DSCAM: variants seen among roughly 807,000 people sequenced by gnomAD.
DSCAM encodes DS cell adhesion molecule, also known as cell adhesion molecule DSCAM.
In DSCAM, 47 loss-of-function variants were observed where a neutral mutation model predicts 217.7. That is an observed-to-expected ratio of 0.22 (90% CI 0.17 to 0.28). The LOEUF is 0.28. Ranked by LOEUF, DSCAM falls within the 10% of genes least tolerant of loss-of-function variation. The pLI is 1.00. For synonymous variants in DSCAM, 1,056 were observed against 1,015.3 expected, an observed-to-expected ratio of 1.04 and a Z score of -0.76; for missense variants, 2,080 against 2,618.3, an observed-to-expected ratio of 0.79 and a Z score of 4.49.
intron 32 of DSCAM, among the ~76,000 whole-genome samples, chr21:40,037,538 C>T (rs1601254037): frequency 6.8e-6 from 1 of 148,006 alleles, no homozygotes; most frequent in Non-Finnish European, 1.5e-5. Context: ...AATGGAAGAA[C>T]ATTCTATGCT....
intron 9 of DSCAM, among the ~76,000 whole-genome samples, chr21:40,303,111 T>C (rs1852819435): frequency 6.6e-6 from 1 of 152,182 alleles, no homozygotes; most frequent in African/African-American, 2.4e-5. Flanking sequence ...CACCATTCTC[T>C]ACTTGGTGAC....
intron 16 of DSCAM, among the ~76,000 whole-genome samples, chr21:40,146,055 C>T (rs993581624): frequency 6.6e-6 from 1 of 152,046 alleles, no homozygotes; most frequent in African/African-American, 2.4e-5. Flanking sequence ...AACTATGGAT[C>T]TGGATCTCTC....
At chr21:40,062,836 C>T in intron 28 of DSCAM, 33 bp downstream of exon 28, 2 of 1,548,692 alleles carry the variant, frequency 1.3e-6, no homozygotes, top group Non-Finnish European at 1.7e-6. Context: ...TTCTTTCAAA[C>T]ATGATATCTG....
chr21:40,143,499 C>T (rs576465541), intron 17 of DSCAM, among the ~76,000 whole-genome samples: 1 of 152,200 alleles, frequency 6.6e-6, no homozygotes, highest in Non-Finnish European at 1.5e-5. Context: ...CTCCGCAAAC[C>T]TGTGATCAAG....
intron 20 of DSCAM, among the ~76,000 whole-genome samples, chr21:40,117,001 C>CAAAAAAAAAAAAA (rs534100380): frequency 3.0e-5 from 1 of 33,178 alleles, no homozygotes; most frequent in African/African-American, 1.1e-4. Flanking sequence ...GACTCTGTCT[C>CAAAAAAAAAAAAA]AAAAAAAAAA....
rs569963515 is a variant in DSCAM at position 40,292,750 on chromosome 21, C to T, written c.2182+3305G>A. ...AAGTCATTATGATATCTTTCTTTTCCTTTTTTTTTTGAGATGGAGTCTCGC... is the reference window on the plus strand; with the variant it reads ...AAGTCATTATGATATCTTTCTTTTCTTTTTTTTTTTGAGATGGAGTCTCGC... On this transcript the variant is annotated intron_variant, in intron 10 of 32. Coordinates refer to ENST00000400454, the MANE Select transcript of DSCAM (RefSeq NM_001389.5). Among the ~76,000 whole-genome samples the T allele has an allele frequency of 5.9e-4, 88 of 148,312 alleles. No individual in the cohort carries two copies. In the South Asian group the frequency reaches 9.0e-3, roughly 15 times the overall value.
chr21:40,693,918 G>A (rs1262162125), intron 2 of DSCAM, among the ~76,000 whole-genome samples: 2 of 152,106 alleles, frequency 1.3e-5, no homozygotes, highest in South Asian at 2.1e-4. Context: ...TCAAATCCAA[G>A]CTCGGCCACT....
At chr21:40,567,527 C>T (rs73902685) in intron 3 of DSCAM, among the ~76,000 whole-genome samples, 3,420 of 152,318 alleles carry the variant, frequency 0.022, 112 homozygotes, top group African/African-American at 0.079. Flanking sequence ...CTAGTAAATG[C>T]ACTAAACCAA....
chr21:40,324,838 CTTAT>C (rs1462168889), intron 8 of DSCAM, among the ~76,000 whole-genome samples: 1 of 152,162 alleles, frequency 6.6e-6, no homozygotes, highest in East Asian at 1.9e-4. Flanking sequence ...TCATGTTTTA[CTTAT>C]TTAGTTAGAG....
At chr21:40,166,811 G>A (rs1342696677) in intron 16 of DSCAM, among the ~76,000 whole-genome samples, 5 of 152,126 alleles carry the variant, frequency 3.3e-5, no homozygotes, top group Admixed American at 2.0e-4. Flanking sequence ...GGCACAGTGA[G>A]GACTTGGCCT....
At chr21:40,116,740 C>G (rs1259801266) in intron 20 of DSCAM, among the ~76,000 whole-genome samples, 1 of 151,224 alleles carries the variant, frequency 6.6e-6, no homozygotes, top group Non-Finnish European at 1.5e-5. Context: ...CGGTGGCTCA[C>G]GCCTGTAATC....
At chr21:40,082,215 C>T (rs748055181) in intron 24 of DSCAM, among the ~76,000 whole-genome samples, 10 of 152,260 alleles carry the variant, frequency 6.6e-5, no homozygotes, top group South Asian at 6.2e-4. Context: ...AATCCCAGCA[C>T]GTTGGGAAGC....
chr21:40,067,772 CCCTT>C (rs1287730997), intron 27 of DSCAM, among the ~76,000 whole-genome samples: 168 of 101,650 alleles, frequency 1.7e-3, no homozygotes, highest in Middle Eastern at 7.6e-3. Context: ...CTCCCTCCCT[CCCTT>C]CCTTCCTTCC....
At chr21:40,317,623 G>A (rs916266283) in intron 8 of DSCAM, among the ~76,000 whole-genome samples, 2 of 151,814 alleles carry the variant, frequency 1.3e-5, no homozygotes, top group Non-Finnish European at 1.5e-5. Context: ...TCCACCTCCC[G>A]GGCTCAAGTG....
Position 40,093,847 on chromosome 21 carries a change from C to T in DSCAM, c.3724G>A (p.Asp1242Asn), listed in dbSNP as rs770132126. ...TTGGGAATTCTGTAGGAAAACGAGTCGGGAGAGGCCTCAAACTCGCTGATC... is the reference window on the plus strand; with the variant it reads ...TTGGGAATTCTGTAGGAAAACGAGTTGGGAGAGGCCTCAAACTCGCTGATC... ...TVISEFEASPDSFSYRIPNLS... is the reference protein window; with the variant it reads ...TVISEFEASPNSFSYRIPNLS... The change falls in exon 21 of 33, where the codon GAC becomes AAC. Residue 1242 changes from aspartate to asparagine, a missense_variant. Asp to Asn is a conservative substitution (Grantham distance 23). Coordinates refer to ENST00000400454, the MANE Select transcript of DSCAM (RefSeq NM_001389.5). 48 of 1,613,534 alleles carry T rather than the reference C, an allele frequency of 3.0e-5. No homozygotes were observed. The Middle Eastern group carries it at 4.9e-4, about 17-fold the overall frequency.
chr21:40,800,864 C>A (rs191483746), intron 1 of DSCAM, among the ~76,000 whole-genome samples: 185 of 151,852 alleles, frequency 1.2e-3, no homozygotes, highest in Non-Finnish European at 2.3e-3. Context: ...TACAGGCACA[C>A]ACCACCACGC....
chr21:40,721,854 C>T (rs1487811559), intron 1 of DSCAM, among the ~76,000 whole-genome samples: 1 of 151,854 alleles, frequency 6.6e-6, no homozygotes, highest in Non-Finnish European at 1.5e-5. Context: ...TAGAAAACCA[C>T]AACATGACAC....
intron 24 of DSCAM, among the ~76,000 whole-genome samples, chr21:40,083,082 T>C (rs1344521429): frequency 6.6e-6 from 1 of 152,176 alleles, no homozygotes; most frequent in Non-Finnish European, 1.5e-5. Flanking sequence ...GTATCTTCTG[T>C]CTCTAGCTTA....
At chr21:40,843,392 G>A (rs1373817030) in intron 1 of DSCAM, among the ~76,000 whole-genome samples, 1 of 151,916 alleles carries the variant, frequency 6.6e-6, no homozygotes, top group Non-Finnish European at 1.5e-5. Flanking sequence ...GTGTGTGTGT[G>A]TGTGTGTGTG....
Sources: gnomAD v4.1 joint callset for allele counts (sites outside exome capture counted in the v4.1 genomes callset) on GRCh38, gnomAD v4.1.1 for gene constraint, MANE v1.5 for transcripts, NCBI Gene and HGNC (gene_info 2026-07-23, HGNC 2026-07-21) for gene names.